Variants in ADAM29 observed in about 807,000 individuals in gnomAD.
ADAM29 encodes the protein ADAM metallopeptidase domain 29.
For missense variants in ADAM29, 969 were observed against 1,001.8 expected, an observed-to-expected ratio of 0.97 and a Z score of 0.44; for synonymous variants, 367 against 342.3, an observed-to-expected ratio of 1.07 and a Z score of -0.80.
Position 174,976,281 on chromosome 4 carries a change from C to T in ADAM29, c.756C>T (p.Thr252=). The T allele has an allele frequency of 6.2e-7, 1 of 1,610,970 alleles. No individual in the cohort carries two copies. The highest frequency in any genetic ancestry group is 8.5e-7 in the Non-Finnish European group (1 of 1,179,108). ...KVLLFGLEIW[T]NKNLIVVDDV... Reference sequence around the variant, plus strand: ...TATTATTTGGTTTGGAGATCTGGACCAATAAAAACCTCATTGTAGTAGATG... The same window carrying T: ...TATTATTTGGTTTGGAGATCTGGACTAATAAAAACCTCATTGTAGTAGATG... Residue 252 remains threonine (T), a synonymous_variant, in exon 5 of 5, where the codon ACC becomes ACT. Transcript: ENST00000359240.
chr4:174,972,239 G>A (rs953361438), intron 4 of ADAM29, among the ~76,000 whole-genome samples: 5 of 152,134 alleles, frequency 3.3e-5, no homozygotes, highest in East Asian at 1.9e-4. Context: ...CTGTTTCTAC[G>A]TTTTCCTTAG....
rs528156385 is a variant in ADAM29 at position 174,927,978 on chromosome 4, C to T, written c.-450-3008C>T. Among the ~76,000 whole-genome samples, 3 of 152,282 alleles carry T rather than the reference C, an allele frequency of 2.0e-5. No individual in the cohort carries two copies. In the East Asian group the frequency reaches 5.8e-4, roughly 29 times the overall value. ...TTGCTAGATTATGGGCTGGGAAACA[C>T]TTGGCCTGTGTGGCCTTCTTCTGTT... On this transcript the variant is annotated intron_variant, in intron 2 of 4. Coordinates refer to ENST00000359240, the MANE Select transcript of ADAM29 (RefSeq NM_014269.4).
intron 4 of ADAM29, among the ~76,000 whole-genome samples, chr4:174,957,913 C>G (rs758827795): frequency 1.3e-5 from 2 of 151,774 alleles, no homozygotes; most frequent in Non-Finnish European, 3.0e-5. Context: ...ATTTTATGAG[C>G]TTTTGATCTT....
At chr4:174,932,833 A>C (rs529651599) in intron 3 of ADAM29, among the ~76,000 whole-genome samples, 1 of 152,334 alleles carries the variant, frequency 6.6e-6, no homozygotes. Flanking sequence ...AATTAGCCAC[A>C]GTATGGAACG....
rs191948866 is a variant in ADAM29 at position 174,929,902 on chromosome 4, G to A, written c.-450-1084G>A. Among the ~76,000 whole-genome samples, 552 of 151,374 alleles carry A rather than the reference G, an allele frequency of 3.6e-3. 2 individuals carry two copies. The highest frequency in any genetic ancestry group is 0.018 in the South Asian group (88 of 4,802). ...CTCCCAAGGAACTGCAATTACAGGC[G>A]CATGCTACGACACCTGGCTAATTTT... On this transcript the variant is annotated intron_variant, in intron 2 of 4. Coordinates refer to ENST00000359240, the MANE Select transcript of ADAM29 (RefSeq NM_014269.4).
At chr4:174,972,884 T>C (rs1746548276) in intron 4 of ADAM29, among the ~76,000 whole-genome samples, 2 of 152,140 alleles carry the variant, frequency 1.3e-5, no homozygotes, top group African/African-American at 4.8e-5. Context: ...CTGCTCTCTA[T>C]GTACTGAGAA....
intron 4 of ADAM29, among the ~76,000 whole-genome samples, chr4:174,949,974 A>T (rs1745077944): frequency 1.3e-5 from 2 of 152,178 alleles, no homozygotes; most frequent in Non-Finnish European, 2.9e-5. Flanking sequence ...GAGAGTTTAA[A>T]AAAACACAGA....
chr4:174,956,419 G>T (rs1214268205), intron 4 of ADAM29, among the ~76,000 whole-genome samples: 1 of 151,358 alleles, frequency 6.6e-6, no homozygotes, highest in African/African-American at 2.4e-5. Flanking sequence ...TGGCATATAA[G>T]CCCTAACTAT....
chr4:174,971,598 T>C (rs1308839514), intron 4 of ADAM29, among the ~76,000 whole-genome samples: 1 of 152,210 alleles, frequency 6.6e-6, no homozygotes, highest in South Asian at 2.1e-4. Flanking sequence ...TTCTTTTATA[T>C]GACAAGTTAC....
intron 4 of ADAM29, among the ~76,000 whole-genome samples, chr4:174,969,151 CTTTTA>C (rs999570000): frequency 4.0e-5 from 6 of 151,246 alleles, no homozygotes; most frequent in African/African-American, 1.2e-4. Context: ...CTTCATTTTT[CTTTTA>C]TTTATTTATT....
At chr4:174,963,234 C>G (rs1424378805) in intron 4 of ADAM29, among the ~76,000 whole-genome samples, 1 of 152,152 alleles carries the variant, frequency 6.6e-6, no homozygotes, top group East Asian at 1.9e-4. Flanking sequence ...GGGGACAAAT[C>G]TGGACTGTAA....
chr4:174,943,683 G>C (rs1744677884), intron 4 of ADAM29, among the ~76,000 whole-genome samples: 1 of 152,066 alleles, frequency 6.6e-6, no homozygotes, highest in Non-Finnish European at 1.5e-5. Context: ...GGTTTGGGTG[G>C]GGACACAAGA....
chr4:174,955,881 G>A (rs1745470863), intron 4 of ADAM29, among the ~76,000 whole-genome samples: 1 of 151,874 alleles, frequency 6.6e-6, no homozygotes, highest in Non-Finnish European at 1.5e-5. Context: ...AATCTTTATT[G>A]GTTTCCTTGC....
chr4:174,923,560 T>TAG (rs70947473), intron 2 of ADAM29, among the ~76,000 whole-genome samples: 5,734 of 115,660 alleles, frequency 0.05, 478 homozygotes, highest in African/African-American at 0.1. Flanking sequence ...TATATATATA[T>TAG]ACACACACAC....
At chr4:174,950,247 A>G (rs1482817735) in intron 4 of ADAM29, among the ~76,000 whole-genome samples, 1 of 152,152 alleles carries the variant, frequency 6.6e-6, no homozygotes. Flanking sequence ...CCCATTCTTT[A>G]TAGGTAAGCA....
intron 4 of ADAM29, among the ~76,000 whole-genome samples, chr4:174,960,587 C>T (rs1020236968): frequency 1.3e-5 from 2 of 152,006 alleles, no homozygotes; most frequent in African/African-American, 2.4e-5. Flanking sequence ...ATATTTACAT[C>T]TTTAGTAGTT....
chr4:174,945,304 G>A (rs1370940119), intron 4 of ADAM29, among the ~76,000 whole-genome samples: 1 of 148,672 alleles, frequency 6.7e-6, no homozygotes, highest in Non-Finnish European at 1.5e-5. Flanking sequence ...TTTTGAAAGG[G>A]TGTCTGCTTA....
Position 174,977,229 on chromosome 4 carries a change from T to A in ADAM29, c.1704T>A (p.His568Gln), listed in dbSNP as rs756175069. Residue 568 changes from histidine to glutamine, a missense_variant, in exon 5 of 5, where the codon CAT becomes CAA. Coordinates refer to ENST00000359240, the MANE Select transcript of ADAM29 (RefSeq NM_014269.4). Reference protein sequence around the residue: ...NVTEIPNMSDHTTVHWARFND... With the variant: ...NVTEIPNMSDQTTVHWARFND... ...CAGAAATTCCCAATATGAGTGATCATACTACTGTGCATTGGGCTCGCTTCA... is the reference window on the plus strand; with the variant it reads ...CAGAAATTCCCAATATGAGTGATCAAACTACTGTGCATTGGGCTCGCTTCA... The A allele has an allele frequency of 1.2e-6, 2 of 1,614,108 alleles. No individual in the cohort carries two copies. Among genetic ancestry groups the A allele is most frequent in the Non-Finnish European group, 1.7e-6 (2 of 1,180,034 alleles).
Position 174,975,833 on chromosome 4 carries a change from A to G in ADAM29, c.308A>G (p.His103Arg), listed in dbSNP as rs1480144618. The G allele has an allele frequency of 3.1e-6, 5 of 1,614,128 alleles. No individual in the cohort carries two copies. The highest frequency in any genetic ancestry group is 2.2e-5 in the East Asian group (1 of 44,870). The stretch of plus-strand genomic sequence containing the variant: ...TTTGTCCAGAATAACTGCTACTATC[A>G]TGGTTATGTGGAAGGGGACCCAGAA... ...QPFVQNNCYYHGYVEGDPESL... is the reference protein window; with the variant it reads ...QPFVQNNCYYRGYVEGDPESL... Residue 103 changes from histidine to arginine, a missense_variant, in exon 5 of 5, where the codon CAT (histidine) becomes CGT (arginine). Coordinates refer to ENST00000359240, the MANE Select transcript of ADAM29 (RefSeq NM_014269.4).
Sources: allele counts gnomAD v4.1 joint callset (sites outside exome capture counted in the v4.1 genomes callset), GRCh38; gene constraint gnomAD v4.1.1; transcripts MANE v1.5; gene names NCBI Gene and HGNC (gene_info 2026-07-23, HGNC 2026-07-21).